SLC1A5: variants seen among roughly 807,000 people sequenced by gnomAD.
SLC1A5 encodes solute carrier family 1 member 5, also known as neutral amino acid transporter B(0).
A neutral mutation model predicts 34.9 loss-of-function variants in SLC1A5; 25 were observed. That is an observed-to-expected ratio of 0.72 (90% CI 0.52 to 1.00). The LOEUF is 1.00. Among genes scored for constraint, SLC1A5 ranks in the 50% least tolerant of loss-of-function variants. The pLI is 0.00. For synonymous variants in SLC1A5, 351 were observed against 341.2 expected, an observed-to-expected ratio of 1.03 and a Z score of -0.32; for missense variants, 637 against 740.0, an observed-to-expected ratio of 0.86 and a Z score of 1.61.
intron 4 of SLC1A5, 37 bp downstream of exon 4, chr19:46,782,346 A>AACCCCCCCCCCCCCCCCCCCCCC: frequency 7.0e-6 from 4 of 567,986 alleles, no homozygotes; most frequent in South Asian, 3.6e-5. Flanking sequence ...CGACCCTCCA[A>AACCCCCCCCCCCCCCCCCCCCCC]CCCCACCCAC....
intron 4 of SLC1A5, 45 bp downstream of exon 4, chr19:46,782,338 A>ACCCCCCCACCCCCCCCCCCCCCC: frequency 2.0e-6 from 2 of 1,009,384 alleles, no homozygotes; most frequent in Non-Finnish European, 3.0e-6. Flanking sequence ...CAGCAGACCG[A>ACCCCCCCACCCCCCCCCCCCCCC]CCCTCCAACC....
At chr19:46,780,246 A>T (rs1211554602) in intron 4 of SLC1A5, among the ~76,000 whole-genome samples, 2 of 151,968 alleles carry the variant, frequency 1.3e-5, no homozygotes, top group African/African-American at 4.8e-5. Context: ...AGGTGGGAGG[A>T]TCACCTGAAC....
rs2055101352 is a variant in SLC1A5, at chr19:46,777,416, T to C, written c.1059-11A>G. The C allele has an allele frequency of 6.3e-7, 1 of 1,599,004 alleles. No homozygotes were observed. The highest frequency in any genetic ancestry group is 8.5e-7 in the Non-Finnish European group (1 of 1,172,272). On this transcript the variant is annotated splice_polypyrimidine_tract_variant and intron_variant, in intron 5 of 7. Coordinates refer to ENST00000542575, the MANE Select transcript of SLC1A5 (RefSeq NM_005628.3). Reference sequence around the variant, plus strand: ...GGCAGCGTGGCGGAACTGCAAGGGATGGGGGAGCTGAGTTAGGTTAACCTG... The same window carrying C: ...GGCAGCGTGGCGGAACTGCAAGGGACGGGGGAGCTGAGTTAGGTTAACCTG...
chr19:46,786,332 G>C (rs2055186361), intron 1 of SLC1A5, among the ~76,000 whole-genome samples: 1 of 152,212 alleles, frequency 6.6e-6, no homozygotes, highest in Non-Finnish European at 1.5e-5. Context: ...CAGGCCAAGT[G>C]TGAGCTACAG....
At position 46,785,775 on chromosome 19, in the gene SLC1A5, C is replaced by T. The variant is rs932111179; in HGVS notation, c.567-1216G>A. 5.3e-5 allele frequency among the ~76,000 whole-genome samples: 8 copies of T among 152,108 alleles called. No individual in the cohort carries two copies. In the South Asian group the frequency reaches 1.2e-3, roughly 24 times the overall value. On this transcript the variant is annotated intron_variant, in intron 1 of 7. Coordinates refer to ENST00000542575, the MANE Select transcript of SLC1A5 (RefSeq NM_005628.3). ...CATGCATCACGGTACAGTAAAATAA[C>T]GTCATGGTAGAGGAATGAGTTTGGC...
In SLC1A5 at chr19:46,782,298, C is replaced by T. The variant is rs1568429575; in HGVS notation, c.824+85G>A. On this transcript the variant is annotated intron_variant, in intron 4 of 7. Transcript: ENST00000542575. ...AAGAGTGAATAGAGGGTGCCCCATC[C>T]CAAACAGAATGCCCCGCACCTGCCT... 8 of 1,214,896 alleles carry T rather than the reference C, an allele frequency of 6.6e-6. No homozygotes were observed. The Admixed American group carries it at 1.7e-4, about 25-fold the overall frequency. 75.3% of individuals were successfully genotyped at this position (1,214,896 alleles called of 1,614,324 possible).
chr19:46,784,471 C>T, intron 2 of SLC1A5, 46 bp downstream of exon 2: 5 of 1,608,954 alleles, frequency 3.1e-6, no homozygotes, highest in South Asian at 2.2e-5. Flanking sequence ...GGCTGGCATC[C>T]CTCCCTGTCC....
intron 7 of SLC1A5, 131 bp from the exon 8 acceptor site, chr19:46,775,878 G>A: frequency 1.1e-6 from 1 of 931,936 alleles, no homozygotes. Flanking sequence ...GTTGGAGTCA[G>A]CCTGGGCAAC....
chr19:46,775,808 G>T, intron 7 of SLC1A5, 61 bp from the exon 8 acceptor site: 3 of 1,543,590 alleles, frequency 1.9e-6, no homozygotes, highest in Non-Finnish European at 1.8e-6. Flanking sequence ...GGGAAGGAAA[G>T]GGCCAAGGCC....
Position 46,775,081 on chromosome 19 carries a change from ACACACACAC to A in SLC1A5, c.*420_*428del. On this transcript the variant is annotated 3_prime_UTR_variant, in exon 8 of 8. Coordinates refer to ENST00000542575, the MANE Select transcript of SLC1A5 (RefSeq NM_005628.3). ...CACACACACACACACACACACACAC[ACACACACAC>A]GTGCACACACACATCCCCCCACAAC... 1.2e-6 allele frequency: 1 copy of A among 863,628 alleles called. No homozygotes were observed. Among genetic ancestry groups the A allele is most frequent in the East Asian group, 1.2e-4 (1 of 8,208 alleles). 53.5% of individuals were successfully genotyped at this position (863,628 alleles called of 1,614,324 possible). A position where few individuals can be genotyped will look rare whatever the true frequency, so the allele number is the denominator to read the frequency against.
chr19:46,777,444 GAC>G (rs781110948), intron 5 of SLC1A5, 39 bp from the exon 6 acceptor site: 2 of 1,551,654 alleles, frequency 1.3e-6, no homozygotes, highest in South Asian at 2.4e-5. Context: ...TTAACCTGCT[GAC>G]CGGGGCTCCG....
At chr19:46,779,424 C>CAAA (rs761721702) in intron 4 of SLC1A5, among the ~76,000 whole-genome samples, 15 of 64,516 alleles carry the variant, frequency 2.3e-4, no homozygotes, top group African/African-American at 2.6e-4. Context: ...AACTCCATCT[C>CAAA]AAAAAAAAAA....
At chr19:46,783,294 T>G (rs2055161355) in intron 3 of SLC1A5, among the ~76,000 whole-genome samples, 1 of 151,346 alleles carries the variant, frequency 6.6e-6, no homozygotes, top group Non-Finnish European at 1.5e-5. Context: ...AGAAACCCCA[T>G]CTCTACTAAA....
chr19:46,781,391 G>C (rs1395375372), intron 4 of SLC1A5, among the ~76,000 whole-genome samples: 2 of 152,178 alleles, frequency 1.3e-5, no homozygotes, highest in Non-Finnish European at 2.9e-5. Context: ...CTGAGGTCGG[G>C]AGTTTGAGAC....
chr19:46,780,445 C>G (rs575693746), intron 4 of SLC1A5, among the ~76,000 whole-genome samples: 2 of 151,762 alleles, frequency 1.3e-5, no homozygotes, highest in African/African-American at 4.8e-5. Context: ...CCTTTGCCTC[C>G]CAGGTTCAAG....
chr19:46,778,400 C>G (rs1386543759), intron 5 of SLC1A5, among the ~76,000 whole-genome samples: 1 of 152,170 alleles, frequency 6.6e-6, no homozygotes, highest in South Asian at 2.1e-4. Flanking sequence ...TACACTCCAG[C>G]CTGGGCAACA....
In SLC1A5 at chr19:46,778,672, T is replaced by A; in HGVS notation, c.1058+3A>T. The A allele has an allele frequency of 1.8e-6, 2 of 1,133,576 alleles. No homozygotes were observed. Among genetic ancestry groups the A allele is most frequent in the Non-Finnish European group, 2.6e-6 (2 of 781,032 alleles). 70.2% of individuals were successfully genotyped at this position (1,133,576 alleles called of 1,614,324 possible). A position where few individuals can be genotyped will look rare whatever the true frequency, so the allele number is the denominator to read the frequency against. The stretch of plus-strand genomic sequence containing the variant: ...CCCACCCTAGCCCACCCCAAGGCCG[T>A]ACCTGGAAGAGGTCCCAAAGGCAGT... On this transcript the variant is annotated splice_donor_region_variant and intron_variant, in intron 5 of 7. Transcript: ENST00000542575.
intron 7 of SLC1A5, among the ~76,000 whole-genome samples, chr19:46,776,367 G>A (rs969405352): frequency 5.9e-5 from 9 of 151,576 alleles, no homozygotes; most frequent in Admixed American, 5.3e-4. Flanking sequence ...CACCATACCC[G>A]GCTAATTTTT....
At chr19:46,784,455 C>T in intron 2 of SLC1A5, 62 bp downstream of exon 2, 1 of 1,587,816 alleles carries the variant, frequency 6.3e-7, no homozygotes, top group African/African-American at 1.3e-5. Flanking sequence ...AGCAAGGGCT[C>T]CCCCTGGCTG....
Sources: gnomAD v4.1 joint callset for allele counts (sites outside exome capture counted in the v4.1 genomes callset) on GRCh38, gnomAD v4.1.1 for gene constraint, MANE v1.5 for transcripts, NCBI Gene and HGNC (gene_info 2026-07-23, HGNC 2026-07-21) for gene names.